SGPL1: variants seen among roughly 807,000 people sequenced by gnomAD.
SGPL1 encodes the protein sphingosine-1-phosphate lyase 1.
SGPL1 carries 37 observed loss-of-function variants against 68.9 expected under a neutral mutation model. That is an observed-to-expected ratio of 0.54 (90% CI 0.41 to 0.71). SGPL1 has a LOEUF of 0.71. SGPL1 is among the 30% of genes least tolerant of loss of function. The pLI, the probability that SGPL1 is intolerant of heterozygous loss-of-function variation, is 0.00. For synonymous variants in SGPL1, 236 were observed against 248.5 expected, an observed-to-expected ratio of 0.95 and a Z score of 0.47; for missense variants, 551 against 704.6, an observed-to-expected ratio of 0.78 and a Z score of 2.47.
chr10:70,831,556 AG>A (rs1845536035), intron 2 of SGPL1, among the ~76,000 whole-genome samples: 1 of 152,198 alleles, frequency 6.6e-6, no homozygotes, highest in South Asian at 2.1e-4. Context: ...GTTTATTTTA[AG>A]GGATACTGCA....
In SGPL1 at chr10:70,857,761, A is replaced by C. The variant is rs1335297580; in HGVS notation, c.486+71A>C. On this transcript the variant is annotated intron_variant, in intron 6 of 14. Coordinates refer to ENST00000373202, the MANE Select transcript of SGPL1 (RefSeq NM_003901.4). Reference sequence around the variant, plus strand: ...TTACATGACCTCCTTTTTTTCCCTTACTTTTGTAATTAGAAAAATTACTTA... The same window carrying C: ...TTACATGACCTCCTTTTTTTCCCTTCCTTTTGTAATTAGAAAAATTACTTA... 6.0e-6 allele frequency: 6 copies of C among 992,480 alleles called. No individual in the cohort carries two copies. The African/African-American group carries it at 8.3e-5, about 14-fold the overall frequency. 61.5% of individuals were successfully genotyped at this position (992,480 alleles called of 1,614,324 possible).
intron 7 of SGPL1, among the ~76,000 whole-genome samples, chr10:70,861,662 C>T (rs897342422): frequency 6.6e-6 from 1 of 152,224 alleles, no homozygotes; most frequent in East Asian, 1.9e-4. Context: ...TGAGCCGGAA[C>T]CAGGGCTGCG....
intron 1 of SGPL1, among the ~76,000 whole-genome samples, chr10:70,816,401 C>G (rs1189396782): frequency 6.6e-6 from 1 of 152,030 alleles, no homozygotes; most frequent in Non-Finnish European, 1.5e-5. Context: ...GCTGGTCCTC[C>G]GACGGGAGGG....
intron 2 of SGPL1, among the ~76,000 whole-genome samples, chr10:70,817,818 G>A (rs1845263335): frequency 6.6e-6 from 1 of 152,206 alleles, no homozygotes. Context: ...TCTGAATATA[G>A]TATGTGCTTA....
chr10:70,877,354 C>G lies in SGPL1; in HGVS notation c.*19C>G. 1 of 1,613,492 alleles carries G rather than the reference C, an allele frequency of 6.2e-7. No homozygotes were observed. Among genetic ancestry groups the G allele is most frequent in the South Asian group, 1.1e-5 (1 of 91,052 alleles). ...CCACTGAACTTGGACCCTTTCTAGT[C>G]TCAAGGGGATTCCAGCCTTCAGAAG... On this transcript the variant is annotated 3_prime_UTR_variant, in exon 15 of 15. Coordinates refer to ENST00000373202, the MANE Select transcript of SGPL1 (RefSeq NM_003901.4).
intron 2 of SGPL1, among the ~76,000 whole-genome samples, chr10:70,827,616 C>T (rs1437804541): frequency 3.3e-5 from 5 of 152,104 alleles, no homozygotes; most frequent in East Asian, 1.9e-4. Context: ...TATGTATCAG[C>T]GATTTGTTCT....
chr10:70,819,471 A>G (rs560458281), intron 2 of SGPL1, among the ~76,000 whole-genome samples: 1 of 152,288 alleles, frequency 6.6e-6, no homozygotes, highest in South Asian at 2.1e-4. Context: ...CTAACCCATC[A>G]TTCTATGAGG....
Position 70,843,232 on chromosome 10 carries a change from G to A in SGPL1, c.28-1241G>A, listed in dbSNP as rs187794993. On this transcript the variant is annotated intron_variant, in intron 2 of 14. Coordinates refer to ENST00000373202, the MANE Select transcript of SGPL1 (RefSeq NM_003901.4). ...GTGGCTATTCCCCTGAGAAGTTTTC[G>A]TGATTTGTTTGTATATGTATGTGCC... Among the ~76,000 whole-genome samples the A allele has an allele frequency of 1.6e-4, 24 of 151,886 alleles. No individual in the cohort carries two copies. The East Asian group carries it at 2.3e-3, about 15-fold the overall frequency.
chr10:70,864,426 G>A (rs1846140552), intron 7 of SGPL1, among the ~76,000 whole-genome samples: 3 of 152,056 alleles, frequency 2.0e-5, no homozygotes, highest in Admixed American at 6.5e-5. Flanking sequence ...CCTTTTCCTT[G>A]AAGTCAGCAT....
chr10:70,860,093 CATT>C (rs1232844225), intron 7 of SGPL1, among the ~76,000 whole-genome samples: 1 of 152,170 alleles, frequency 6.6e-6, no homozygotes. Context: ...GGGAGGACAT[CATT>C]ATATTTAAAG....
chr10:70,823,645 A>G (rs575730482), intron 2 of SGPL1, among the ~76,000 whole-genome samples: 16 of 148,816 alleles, frequency 1.1e-4, no homozygotes, highest in South Asian at 6.4e-4. Context: ...ACCAATAACC[A>G]TAACTCAAAA....
chr10:70,832,263 G>A (rs1339968290), intron 2 of SGPL1, among the ~76,000 whole-genome samples: 1 of 152,196 alleles, frequency 6.6e-6, no homozygotes, highest in African/African-American at 2.4e-5. Context: ...AGGTCAGTCA[G>A]AGACCTAGGG....
chr10:70,819,881 C>T (rs1438807573), intron 2 of SGPL1, among the ~76,000 whole-genome samples: 6 of 152,216 alleles, frequency 3.9e-5, no homozygotes, highest in South Asian at 4.1e-4. Context: ...GGGATCCAAC[C>T]GCCTGCCTTG....
chr10:70,829,829 A>C (rs1454935456), intron 2 of SGPL1, among the ~76,000 whole-genome samples: 2 of 152,220 alleles, frequency 1.3e-5, no homozygotes, highest in Non-Finnish European at 2.9e-5. Flanking sequence ...GTTCAGGGGA[A>C]TACTCAAAGG....
intron 2 of SGPL1, among the ~76,000 whole-genome samples, chr10:70,843,099 C>A (rs989038855): frequency 1.3e-5 from 2 of 152,154 alleles, no homozygotes; most frequent in Non-Finnish European, 2.9e-5. Flanking sequence ...AGAGAATTTT[C>A]TTTCATCCTT....
intron 2 of SGPL1, among the ~76,000 whole-genome samples, chr10:70,836,360 A>G (rs1589453085): frequency 2.6e-5 from 4 of 152,148 alleles, no homozygotes; most frequent in Non-Finnish European, 4.4e-5. Flanking sequence ...GATGGTTCCA[A>G]TATCTTGTGG....
At chr10:70,840,361 C>G (rs912613560) in intron 2 of SGPL1, among the ~76,000 whole-genome samples, 1 of 151,922 alleles carries the variant, frequency 6.6e-6, no homozygotes, top group Non-Finnish European at 1.5e-5. Flanking sequence ...TCTGTGCTTC[C>G]CAAGGGCTAG....
At position 70,822,999 on chromosome 10, in the gene SGPL1, A is replaced by AT. The variant is rs371183395; in HGVS notation, c.27+6119_27+6120insT. Among the ~76,000 whole-genome samples, 913 of 151,602 alleles carry AT rather than the reference A, an allele frequency of 6.0e-3. 11 individuals carry two copies. Among genetic ancestry groups the AT allele is most frequent in the South Asian group, 0.034 (162 of 4,776 alleles). ...TTCTATTTAAAAAGCATTACATTTT[A>AT]AAATTTGTACCTGTTTTGACATTTG... On this transcript the variant is annotated intron_variant, in intron 2 of 14. Coordinates refer to ENST00000373202, the MANE Select transcript of SGPL1 (RefSeq NM_003901.4).
At chr10:70,831,043 C>A (rs563008992) in intron 2 of SGPL1, among the ~76,000 whole-genome samples, 3 of 152,248 alleles carry the variant, frequency 2.0e-5, no homozygotes, top group East Asian at 3.9e-4. Context: ...TGAAACTTCA[C>A]CTGACGGCAG....
Sources: gnomAD v4.1 joint callset for allele counts (sites outside exome capture counted in the v4.1 genomes callset) on GRCh38, gnomAD v4.1.1 for gene constraint, MANE v1.5 for transcripts, NCBI Gene and HGNC (gene_info 2026-07-23, HGNC 2026-07-21) for gene names.